Variants in RALGDS observed in about 807,000 individuals in gnomAD.
RALGDS encodes the protein ral guanine nucleotide exchange factor.
A neutral mutation model predicts 99.8 loss-of-function variants in RALGDS; 44 were observed. The ratio of observed to expected loss-of-function variants is 0.44; its 90% CI spans 0.35 to 0.57. RALGDS has a LOEUF of 0.57. Ranked by LOEUF, RALGDS falls within the 20% of genes least tolerant of loss-of-function variation. The pLI is 0.01. For synonymous variants in RALGDS, 529 were observed against 505.0 expected, an observed-to-expected ratio of 1.05 and a Z score of -0.64; for missense variants, 1,022 against 1,203.1, an observed-to-expected ratio of 0.85 and a Z score of 2.23.
chr9:133,141,546 A>T (rs1356953702), intron 1 of RALGDS, among the ~76,000 whole-genome samples: 1 of 146,134 alleles, frequency 6.8e-6, no homozygotes, highest in Non-Finnish European at 1.6e-5. Context: ...TGCTTCTAGG[A>T]TGCCCAGCAA....
chr9:133,114,201 T>C (rs1831483973), intron 1 of RALGDS, among the ~76,000 whole-genome samples: 1 of 152,090 alleles, frequency 6.6e-6, no homozygotes, highest in African/African-American at 2.4e-5. Context: ...CTGAGAGCCA[T>C]GCATGCTTGG....
chr9:133,121,866 G>T (rs1032553518), upstream of RALGDS, among the ~76,000 whole-genome samples: 12 of 152,250 alleles, frequency 7.9e-5, no homozygotes, highest in African/African-American at 2.9e-4. Context: ...GACCCTGTCA[G>T]TGCAATTGGA....
At chr9:133,136,691 G>A (rs1357821631) in intron 1 of RALGDS, among the ~76,000 whole-genome samples, 1 of 151,978 alleles carries the variant, frequency 6.6e-6, no homozygotes, top group Non-Finnish European at 1.5e-5. Context: ...AGAACTGCTT[G>A]AACCTGGGAG....
rs188111240 is a variant in RALGDS, at chr9:133,119,010, G to A, written c.183+1962C>T. ...ACAGCCTGTCCAGAGATGGGGGCAC[G>A]GACCAGGTCACCTCCAGAAAGCAAG... On this transcript the variant is annotated intron_variant, in intron 1 of 17. Coordinates refer to ENST00000372050, the MANE Select transcript of RALGDS (RefSeq NM_006266.4). 1.6e-3 allele frequency among the ~76,000 whole-genome samples: 251 copies of A among 152,338 alleles called. 2 individuals are homozygous for A. The highest frequency in any genetic ancestry group is 2.9e-3 in the Non-Finnish European group (199 of 68,036).
At chr9:133,117,671 T>G (rs550996548) in intron 1 of RALGDS, among the ~76,000 whole-genome samples, 70 of 152,374 alleles carry the variant, frequency 4.6e-4, no homozygotes, top group Middle Eastern at 3.4e-3. Context: ...TGCTCTGCTG[T>G]TGCTGTATAT....
chr9:133,134,925 CCTGT>C (rs1160733223), upstream of RALGDS, among the ~76,000 whole-genome samples: 4 of 152,184 alleles, frequency 2.6e-5, no homozygotes. Flanking sequence ...GGCTTCCAAT[CCTGT>C]CTGACTCTCA....
chr9:133,145,158 T>A (rs1321823642), intron 1 of RALGDS, among the ~76,000 whole-genome samples: 1 of 152,104 alleles, frequency 6.6e-6, no homozygotes, highest in Non-Finnish European at 1.5e-5. Flanking sequence ...AGAGAATACA[T>A]TTCTGTTGTG....
At chr9:133,123,311 G>A (rs1832013750), upstream of RALGDS, among the ~76,000 whole-genome samples, 1 of 152,146 alleles carries the variant, frequency 6.6e-6, no homozygotes, top group Non-Finnish European at 1.5e-5. Flanking sequence ...GCTGAGTGAT[G>A]GGCCTGGGAA....
At chr9:133,118,405 C>T (rs2119202752) in intron 1 of RALGDS, among the ~76,000 whole-genome samples, 1 of 152,354 alleles carries the variant, frequency 6.6e-6, no homozygotes, top group South Asian at 2.1e-4. Flanking sequence ...AGCCCACCTG[C>T]AACTGCCCTC....
chr9:133,106,568 T>C, intron 8 of RALGDS, 77 bp downstream of exon 8: 2 of 1,160,740 alleles, frequency 1.7e-6, no homozygotes, highest in Non-Finnish European at 1.3e-6. Context: ...TGGCCTCCCA[T>C]GGGCTCACTA....
rs1407616133 is a variant in RALGDS at position 133,108,324 on chromosome 9, C to T, written c.861G>A (p.Pro287=). Residue 287 remains proline, a synonymous_variant, in exon 6 of 18, where the codon CCG becomes CCA. Coordinates refer to ENST00000372050, the MANE Select transcript of RALGDS (RefSeq NM_006266.4). The stretch of plus-strand genomic sequence containing the variant: ...CTGGCTCTGGCTCCGGGGCTGGAGC[C>T]GGCACTGGGCTGGGTGCTCGAGCTG... ...LTPARAPSPV[P]APAPEPEPAP... 11 of 1,544,278 alleles carry T rather than the reference C, an allele frequency of 7.1e-6. No individual in the cohort carries two copies. Among genetic ancestry groups the T allele is most frequent in the Non-Finnish European group, 8.7e-6 (10 of 1,147,146 alleles).
In RALGDS at chr9:133,103,148, A is replaced by G. The variant is rs1409006995; in HGVS notation, c.1791+82T>C. The G allele has an allele frequency of 9.7e-6, 15 of 1,545,522 alleles. No homozygotes were observed. The Admixed American group carries it at 2.2e-4, about 22-fold the overall frequency. The stretch of plus-strand genomic sequence containing the variant: ...TGTCCCATGTCCCATGAATCTAAGG[A>G]GAGGGTAGGAGTTGAAATGTCCTAC... On this transcript the variant is annotated intron_variant, in intron 12 of 17. Coordinates refer to ENST00000372050, the MANE Select transcript of RALGDS (RefSeq NM_006266.4).
chr9:133,108,177 C>A lies in RALGDS; in HGVS notation c.1008G>T (p.Glu336Asp), dbSNP rs972811487. The change falls in exon 6 of 18, where the codon GAG becomes GAT. Residue 336 changes from glutamate (E) to aspartate (D), a missense_variant. Physicochemically the swap from Glu to Asp is conservative, Grantham distance 45. Transcript: ENST00000372050. ...ESAPAPALEL[E>D]PAPEQDPAPS... is the part of the protein sequence containing the mutation. ...GAGCTGGATCCTGTTCTGGAGCTGG[C>A]TCTAGTTCCAGAGCTGGCGCTGGAG... 1.2e-6 allele frequency: 2 copies of A among 1,613,022 alleles called. No individual in the cohort carries two copies. Among genetic ancestry groups the A allele is most frequent in the Non-Finnish European group, 8.5e-7 (1 of 1,179,978 alleles).
At chr9:133,132,601 C>T (rs626713), upstream of RALGDS, among the ~76,000 whole-genome samples, 43,505 of 151,860 alleles carry the variant, frequency 0.29, 6,758 homozygotes, top group East Asian at 0.56. Flanking sequence ...GGGTGGGGGG[C>T]TTAAAGAGGC....
At chr9:133,134,220 G>A (rs894960997), upstream of RALGDS, among the ~76,000 whole-genome samples, 7 of 152,178 alleles carry the variant, frequency 4.6e-5, no homozygotes, top group Non-Finnish European at 1.0e-4. Context: ...ACCTATGCCT[G>A]GCATCCCCTC....
chr9:133,105,848 AG>A (rs1564231976), intron 9 of RALGDS, 83 bp downstream of exon 9: 1 of 188,016 alleles, frequency 5.3e-6, no homozygotes, highest in Non-Finnish European at 8.7e-6. Flanking sequence ...CCCCCGCCCC[AG>A]CCCCCGCCCC....
At chr9:133,119,113 A>C (rs1250804380) in intron 1 of RALGDS, among the ~76,000 whole-genome samples, 1 of 152,150 alleles carries the variant, frequency 6.6e-6, no homozygotes, top group African/African-American at 2.4e-5. Context: ...ATGTGAGGAG[A>C]TCTGGCAGCC....
chr9:133,118,752 T>G (rs1160226102), intron 1 of RALGDS, among the ~76,000 whole-genome samples: 1 of 152,178 alleles, frequency 6.6e-6, no homozygotes, highest in East Asian at 1.9e-4. Context: ...TGCCTGGGCT[T>G]CCTCTGACTC....
intron 8 of RALGDS, 56 bp downstream of exon 8, chr9:133,106,589 G>A (rs1831069736): frequency 7.3e-7 from 1 of 1,363,960 alleles, no homozygotes; most frequent in Non-Finnish European, 1.0e-6. Flanking sequence ...AGGGGGTGAT[G>A]CCAGCCCTGT....
Sources: allele counts gnomAD v4.1 joint callset (sites outside exome capture counted in the v4.1 genomes callset), GRCh38; gene constraint gnomAD v4.1.1; transcripts MANE v1.5; gene names NCBI Gene and HGNC (gene_info 2026-07-23, HGNC 2026-07-21).